Variants in IMMP2L observed in about 807,000 individuals in gnomAD.
The protein encoded by IMMP2L is inner mitochondrial membrane peptidase subunit 2.
Under a neutral mutation model 19.3 loss-of-function variants are expected in IMMP2L, and 18 were observed. The observed-to-expected ratio is 0.93, with a 90% CI of 0.64 to 1.38. The LOEUF (loss-of-function observed/expected upper bound fraction) is 1.38. Among genes scored for constraint, IMMP2L ranks in the 40% most tolerant of loss-of-function variants. IMMP2L has a pLI of 0.00. For missense variants in IMMP2L, 233 were observed against 218.2 expected (o/e 1.07, Z -0.43); for synonymous variants, 76 against 73.0 (o/e 1.04, Z -0.21).
intron 3 of IMMP2L, among the ~76,000 whole-genome samples, chr7:111,375,390 T>C (rs1056094882): frequency 3.3e-5 from 5 of 152,108 alleles, no homozygotes; most frequent in Non-Finnish European, 5.9e-5. Flanking sequence ...ACTGGCTCGT[T>C]CATAATATCT....
At chr7:111,254,815 A>C (rs1816529181) in intron 3 of IMMP2L, among the ~76,000 whole-genome samples, 1 of 152,082 alleles carries the variant, frequency 6.6e-6, no homozygotes. Context: ...TGTCTAGTTG[A>C]AAACAAAGCC....
intron 3 of IMMP2L, among the ~76,000 whole-genome samples, chr7:111,040,891 T>C (rs1217402410): frequency 2.6e-5 from 4 of 151,754 alleles, no homozygotes; most frequent in Non-Finnish European, 5.9e-5. Context: ...AATCAAGTTT[T>C]AGTTACATCA....
chr7:110,773,909 TAAA>T (rs67518606), intron 5 of IMMP2L, among the ~76,000 whole-genome samples: 1 of 138,506 alleles, frequency 7.2e-6, no homozygotes. Flanking sequence ...TTGGGTAAAA[TAAA>T]AAAAAAAAAA....
At chr7:111,199,701 T>C (rs557617059) in intron 3 of IMMP2L, among the ~76,000 whole-genome samples, 2 of 152,174 alleles carry the variant, frequency 1.3e-5, no homozygotes, top group South Asian at 2.1e-4. Context: ...AGTAAATAAT[T>C]TACTATCAAA....
intron 3 of IMMP2L, among the ~76,000 whole-genome samples, chr7:111,072,075 G>A (rs536135340): frequency 6.6e-5 from 10 of 152,126 alleles, no homozygotes; most frequent in Non-Finnish European, 1.3e-4. Context: ...GATACTAATA[G>A]CTTACAACTC....
At chr7:111,181,148 G>A (rs1357940997) in intron 3 of IMMP2L, among the ~76,000 whole-genome samples, 4 of 151,760 alleles carry the variant, frequency 2.6e-5, no homozygotes, top group African/African-American at 7.3e-5. Flanking sequence ...GTTGCCACTA[G>A]GCAACTTGCA....
At chr7:111,120,038 T>A (rs1482859736) in intron 3 of IMMP2L, among the ~76,000 whole-genome samples, 3 of 152,096 alleles carry the variant, frequency 2.0e-5, no homozygotes, top group Non-Finnish European at 4.4e-5. Context: ...CAACCATAGC[T>A]CTACCAATAG....
At chr7:111,403,206 T>C (rs918666760) in intron 3 of IMMP2L, among the ~76,000 whole-genome samples, 2 of 151,944 alleles carry the variant, frequency 1.3e-5, no homozygotes, top group African/African-American at 4.8e-5. Context: ...ATTCTCGTGA[T>C]AGTGAGTACT....
chr7:111,147,000 T>C (rs1233343901), intron 3 of IMMP2L, among the ~76,000 whole-genome samples: 1 of 152,154 alleles, frequency 6.6e-6, no homozygotes, highest in African/African-American at 2.4e-5. Flanking sequence ...CTCCATTTTA[T>C]TTCAGAGCTC....
chr7:111,416,888 A>C (rs934124433), intron 3 of IMMP2L, among the ~76,000 whole-genome samples: 3 of 151,700 alleles, frequency 2.0e-5, no homozygotes, highest in African/African-American at 7.3e-5. Context: ...AATACCTTTA[A>C]TATAATTAAA....
intron 3 of IMMP2L, among the ~76,000 whole-genome samples, chr7:111,279,006 A>G (rs2130551850): frequency 6.6e-6 from 1 of 152,328 alleles, no homozygotes; most frequent in African/African-American, 2.4e-5. Context: ...AACCACCCAA[A>G]TAATCCATAA....
At chr7:110,774,641 T>C (rs1219903807) in intron 5 of IMMP2L, among the ~76,000 whole-genome samples, 2 of 152,026 alleles carry the variant, frequency 1.3e-5, no homozygotes, top group Non-Finnish European at 2.9e-5. Flanking sequence ...TTTTCTATGT[T>C]TAGATGCACA....
In IMMP2L at chr7:110,888,687, G is replaced by A. The variant is rs192877095; in HGVS notation, c.306-1992C>T. Among the ~76,000 whole-genome samples, 14 of 152,236 alleles carry A rather than the reference G, an allele frequency of 9.2e-5. No individual in the cohort carries two copies. The East Asian group carries it at 1.3e-3, about 15-fold the overall frequency. On this transcript the variant is annotated intron_variant, in intron 4 of 5. Coordinates refer to ENST00000405709, the MANE Select transcript of IMMP2L (RefSeq NM_032549.4). The stretch of plus-strand genomic sequence containing the variant: ...AGTTACACGTTTCCTTGCACTGACC[G>A]TCTTATCTGAAAAATTTAAATATAG...
At chr7:111,158,279 G>A (rs1446446326) in intron 3 of IMMP2L, among the ~76,000 whole-genome samples, 2 of 151,986 alleles carry the variant, frequency 1.3e-5, no homozygotes, top group Non-Finnish European at 2.9e-5. Context: ...GGTAGATATA[G>A]GTAGATAGAT....
intron 3 of IMMP2L, among the ~76,000 whole-genome samples, chr7:111,104,360 CT>C (rs1798307993): frequency 1.3e-5 from 2 of 151,846 alleles, no homozygotes; most frequent in South Asian, 2.1e-4. Context: ...GAAACAATTT[CT>C]TTTGTTATCT....
At chr7:111,028,772 T>A (rs1827113849) in intron 3 of IMMP2L, among the ~76,000 whole-genome samples, 1 of 152,184 alleles carries the variant, frequency 6.6e-6, no homozygotes, top group Admixed American at 6.5e-5. Context: ...CACACTATGT[T>A]GCTAAAGAAA....
At chr7:111,007,318 T>C (rs568398909) in intron 3 of IMMP2L, among the ~76,000 whole-genome samples, 56 of 152,236 alleles carry the variant, frequency 3.7e-4, no homozygotes, top group South Asian at 2.1e-3. Context: ...CAATTCAAGA[T>C]GAAATTTGGG....
At chr7:110,875,883 C>T (rs566515541) in intron 5 of IMMP2L, among the ~76,000 whole-genome samples, 2 of 152,004 alleles carry the variant, frequency 1.3e-5, no homozygotes, top group Non-Finnish European at 2.9e-5. Context: ...CTTGATGAAG[C>T]CTTATAGTTT....
intron 3 of IMMP2L, among the ~76,000 whole-genome samples, chr7:111,131,522 A>C (rs1351471092): frequency 6.6e-6 from 1 of 152,126 alleles, no homozygotes; most frequent in Non-Finnish European, 1.5e-5. Context: ...CCAGATTAAC[A>C]ATTTGCTGTG....
Sources: allele counts gnomAD v4.1 joint callset (sites outside exome capture counted in the v4.1 genomes callset), GRCh38; gene constraint gnomAD v4.1.1; transcripts MANE v1.5; gene names NCBI Gene and HGNC (gene_info 2026-07-23, HGNC 2026-07-21).